The following LARGE1 variants were observed in gnomAD, a reference collection of about 807,000 sequenced individuals.
LARGE1 encodes the protein LARGE xylosyl- and glucuronyltransferase 1, also known as xylosyl- and glucuronyltransferase LARGE1.
A neutral mutation model predicts 87.6 loss-of-function variants in LARGE1; 43 were observed. The observed-to-expected ratio is 0.49, with a 90% CI of 0.38 to 0.63. The LOEUF (loss-of-function observed/expected upper bound fraction) is 0.63, where lower values mean the gene tolerates loss of function less well. Among genes scored for constraint, LARGE1 ranks in the 30% least tolerant of loss-of-function variants. The pLI, the probability that LARGE1 is intolerant of heterozygous loss-of-function variation, is 0.00. For synonymous variants in LARGE1, 434 were observed against 394.6 expected (o/e 1.10, Z -1.18); for missense variants, 802 against 1,000.2 (o/e 0.80, Z 2.67).
At chr22:33,330,466 G>C (rs1224239117) in intron 10 of LARGE1, among the ~76,000 whole-genome samples, 2 of 152,204 alleles carry the variant, frequency 1.3e-5, no homozygotes, top group Non-Finnish European at 2.9e-5. Flanking sequence ...AGGATTATAG[G>C]CATGAGCTAC....
chr22:33,806,815 T>C (rs1037498045), intron 1 of LARGE1, among the ~76,000 whole-genome samples: 1 of 152,016 alleles, frequency 6.6e-6, no homozygotes, highest in Non-Finnish European at 1.5e-5. Flanking sequence ...ATCGAGACCA[T>C]CCTGGCCAAC....
the LARGE1 span, among the ~76,000 whole-genome samples, chr22:33,095,081 A>T: frequency 5.3e-5 from 8 of 152,208 alleles, no homozygotes; most frequent in Non-Finnish European, 1.2e-4. Context: ...TTCCTGGCTT[A>T]TCGTATTACA....
intron 6 of LARGE1, among the ~76,000 whole-genome samples, chr22:33,522,899 T>G (rs1279963150): frequency 6.6e-6 from 1 of 151,958 alleles, no homozygotes; most frequent in Non-Finnish European, 1.5e-5. Flanking sequence ...TCTCAGTTAC[T>G]TGGGAGTCTG....
intron 2 of LARGE1, among the ~76,000 whole-genome samples, chr22:33,741,667 G>A (rs957849530): frequency 1.1e-4 from 17 of 152,164 alleles, no homozygotes; most frequent in Admixed American, 4.6e-4. Context: ...AATTTCTCAC[G>A]ATGCCACAGG....
At chr22:33,611,479 T>G (rs1470760548) in intron 4 of LARGE1, among the ~76,000 whole-genome samples, 1 of 152,194 alleles carries the variant, frequency 6.6e-6, no homozygotes, top group Admixed American at 6.5e-5. Flanking sequence ...GCACCTTTCT[T>G]TTGGCCAGTT....
intron 5 of LARGE1, among the ~76,000 whole-genome samples, chr22:33,586,792 G>C (rs2078690112): frequency 6.6e-6 from 1 of 152,176 alleles, no homozygotes; most frequent in Non-Finnish European, 1.5e-5. Context: ...TTATCTATGT[G>C]AAGTCATTAA....
rs532230912 is a variant in LARGE1, at chr22:33,775,775, C to A, written c.-82-14217G>T. ...GCTCAGGCAGGAGAATCACTTGAAC[C>A]CAGGAGGTGGAGGTTGCAGGGAGCC... On this transcript the variant is annotated intron_variant, in intron 1 of 14. Coordinates refer to ENST00000397394, the MANE Select transcript of LARGE1 (RefSeq NM_133642.5). Among the ~76,000 whole-genome samples the A allele has an allele frequency of 2.6e-5, 4 of 151,038 alleles. No individual in the cohort carries two copies. In the East Asian group the frequency reaches 5.8e-4, roughly 22 times the overall value.
intron 1 of LARGE1, among the ~76,000 whole-genome samples, chr22:33,899,229 C>T (rs1555890227): frequency 6.6e-6 from 1 of 152,142 alleles, no homozygotes; most frequent in Non-Finnish European, 1.5e-5. Context: ...TGACATCAAA[C>T]CCGCCTGATG....
At chr22:33,331,366 C>T (rs1003838915) in intron 10 of LARGE1, among the ~76,000 whole-genome samples, 5 of 151,722 alleles carry the variant, frequency 3.3e-5, no homozygotes, top group African/African-American at 1.2e-4. Flanking sequence ...TTAACTTGTG[C>T]AGCTCTTTCT....
rs968007844 is a variant in LARGE1, at chr22:33,175,404, C to A, written c.1731-8572G>T. ...ATGACATGATTATATACTTAGAAAA[C>A]CCCATCATCTCAGCCCAAAATCTCC... On this transcript the variant is annotated intron_variant, in intron 11 of 11. Transcript: ENST00000608642. 5.1e-4 allele frequency among the ~76,000 whole-genome samples: 77 copies of A among 152,046 alleles called. 1 individual carries two copies. Among genetic ancestry groups the A allele is most frequent in the Non-Finnish European group, 1.6e-4 (11 of 68,000 alleles).
At chr22:33,446,319 A>G (rs1474754524) in intron 6 of LARGE1, among the ~76,000 whole-genome samples, 4 of 152,194 alleles carry the variant, frequency 2.6e-5, no homozygotes, top group Non-Finnish European at 5.9e-5. Flanking sequence ...TGCAACAGAA[A>G]GTAAAACACT....
At chr22:33,797,148 G>A (rs532167044) in intron 1 of LARGE1, among the ~76,000 whole-genome samples, 39 of 152,218 alleles carry the variant, frequency 2.6e-4, no homozygotes, top group Non-Finnish European at 3.1e-4. Flanking sequence ...GACAGAAGAG[G>A]GTGATGGACC....
At chr22:33,286,461 G>GGTT (rs1372185987) in intron 12 of LARGE1, among the ~76,000 whole-genome samples, 2 of 152,162 alleles carry the variant, frequency 1.3e-5, no homozygotes, top group African/African-American at 4.8e-5. Flanking sequence ...ATTGGTGGGT[G>GGTT]GTTGCTACCC....
At chr22:33,294,367 A>G (rs1569022630) in intron 12 of LARGE1, among the ~76,000 whole-genome samples, 2 of 152,204 alleles carry the variant, frequency 1.3e-5, no homozygotes, top group Non-Finnish European at 2.9e-5. Flanking sequence ...AATGTCAGAG[A>G]GCCCACTGTT....
intron 1 of LARGE1, among the ~76,000 whole-genome samples, chr22:33,838,745 G>C (rs1226660803): frequency 1.3e-5 from 2 of 152,196 alleles, no homozygotes; most frequent in Non-Finnish European, 2.9e-5. Context: ...AGTTCCAGAG[G>C]TTAAAAGTTC....
intron 6 of LARGE1, among the ~76,000 whole-genome samples, chr22:33,491,969 A>G (rs2069864073): frequency 6.6e-6 from 1 of 152,256 alleles, no homozygotes; most frequent in African/African-American, 2.4e-5. Context: ...ATGGCTCCAC[A>G]AATGGTAAGA....
the LARGE1 span, among the ~76,000 whole-genome samples, chr22:33,079,545 T>A: frequency 6.6e-6 from 1 of 152,074 alleles, no homozygotes; most frequent in African/African-American, 2.4e-5. Context: ...ATCATTCTTA[T>A]TACCTACAAC....
chr22:33,873,854 A>G (rs537845374), intron 1 of LARGE1, among the ~76,000 whole-genome samples: 40 of 151,712 alleles, frequency 2.6e-4, no homozygotes, highest in African/African-American at 9.7e-4. Flanking sequence ...GCCAAGTACA[A>G]GTCACTGGTT....
At chr22:33,582,404 G>GAA (rs796861651) in intron 5 of LARGE1, among the ~76,000 whole-genome samples, 3 of 143,462 alleles carry the variant, frequency 2.1e-5, no homozygotes, top group Admixed American at 7.0e-5. Context: ...CTTGAAAGAG[G>GAA]AAAAAAAAAA....
Sources: allele counts gnomAD v4.1 joint callset (sites outside exome capture counted in the v4.1 genomes callset), GRCh38; gene constraint gnomAD v4.1.1; transcripts MANE v1.5; gene names NCBI Gene and HGNC (gene_info 2026-07-23, HGNC 2026-07-21).